Variants in DCAF16 observed in about 807,000 individuals in gnomAD.
DCAF16 encodes the protein DDB1- and CUL4-associated factor 16.
In DCAF16, 10 loss-of-function variants were observed where a neutral mutation model predicts 17.3. The ratio of observed to expected loss-of-function variants is 0.58; its 90% CI spans 0.36 to 0.98. The LOEUF (loss-of-function observed/expected upper bound fraction) is 0.98, where lower values mean the gene tolerates loss of function less well. Among genes scored for constraint, DCAF16 ranks in the 50% least tolerant of loss-of-function variants. The probability of loss-of-function intolerance (pLI) is 0.01; values close to 1 mark genes in which losing one functional copy is unlikely to be tolerated. For synonymous variants in DCAF16, 111 were observed against 92.8 expected (o/e 1.20, Z -1.12); for missense variants, 249 against 247.6 (o/e 1.01, Z -0.04).
In DCAF16 at chr4:17,803,030, C is replaced by CTT. The variant is rs35039817; in HGVS notation, c.*459_*460dup. 3,735 of 148,576 alleles carry CTT rather than the reference C, an allele frequency of 0.025. 118 individuals carry two copies. Among genetic ancestry groups the CTT allele is most frequent in the African/African-American group, 0.075 (2,994 of 39,702 alleles). 9.2% of individuals were successfully genotyped at this position (148,576 alleles called of 1,614,324 possible). A position where few individuals can be genotyped will look rare whatever the true frequency, so the allele number is the denominator to read the frequency against. On this transcript the variant is annotated 3_prime_UTR_variant, in exon 3 of 3. Coordinates refer to ENST00000382247, the MANE Select transcript of DCAF16 (RefSeq NM_017741.4). Reference sequence around the variant, plus strand: ...AATATGGTCCCCTTAACTAATTCTCCTTTTTTTTTTTTGAGACTGAGTCTC... The same window carrying CTT: ...AATATGGTCCCCTTAACTAATTCTCCTTTTTTTTTTTTTTGAGACTGAGTCTC...
At chr4:17,806,078 G>T (rs929531279) in intron 1 of DCAF16, among the ~76,000 whole-genome samples, 2 of 152,028 alleles carry the variant, frequency 1.3e-5, no homozygotes, top group Non-Finnish European at 2.9e-5. Context: ...TCTCTTTTTG[G>T]AAAAAGATAC....
chr4:17,802,367 C>T lies in DCAF16; in HGVS notation c.*1124G>A, dbSNP rs187685395. ...TGTTTGTTTAATCCCAAGGGATGAT[C>T]TTATAGGCTGATTTAGTCAGAGACA... On this transcript the variant is annotated 3_prime_UTR_variant, in exon 3 of 3. Coordinates refer to ENST00000382247, the MANE Select transcript of DCAF16 (RefSeq NM_017741.4). 1 of 152,542 alleles carries T rather than the reference C, an allele frequency of 6.6e-6. No homozygotes were observed. The highest frequency in any genetic ancestry group is 2.4e-5 in the African/African-American group (1 of 41,560). 9.4% of individuals were successfully genotyped at this position (152,542 alleles called of 1,614,324 possible). A position where few individuals can be genotyped will look rare whatever the true frequency, so the allele number is the denominator to read the frequency against.
rs907603322 is a variant in DCAF16, at chr4:17,802,693, G to C, written c.*798C>G. On this transcript the variant is annotated 3_prime_UTR_variant, in exon 3 of 3. Coordinates refer to ENST00000382247, the MANE Select transcript of DCAF16 (RefSeq NM_017741.4). ...GGAACCCTAAAGAGTGTCATATGTA[G>C]GCACATCTATATAAAAGCTGGGAAA... 2 of 150,636 alleles carry C rather than the reference G, an allele frequency of 1.3e-5. No homozygotes were observed. The highest frequency in any genetic ancestry group is 4.9e-5 in the African/African-American group (2 of 40,912). 9.3% of individuals were successfully genotyped at this position (150,636 alleles called of 1,614,324 possible).
At chr4:17,799,877 C>T (rs1024423015), downstream of DCAF16, among the ~76,000 whole-genome samples, 7 of 151,940 alleles carry the variant, frequency 4.6e-5, no homozygotes, top group Non-Finnish European at 1.0e-4. Flanking sequence ...TGGCTGGGCA[C>T]GGTGGCTCAT....
Position 17,803,465 on chromosome 4 carries a change from G to A in DCAF16, c.*26C>T, listed in dbSNP as rs753153133. The A allele has an allele frequency of 6.3e-7, 1 of 1,596,552 alleles. No homozygotes were observed. Among genetic ancestry groups the A allele is most frequent in the Non-Finnish European group, 8.6e-7 (1 of 1,167,518 alleles). On this transcript the variant is annotated 3_prime_UTR_variant, in exon 3 of 3. Transcript: ENST00000382247. ...ACCACTTTCTCAATTAGCAACATCA[G>A]AGATATCAGAGCAAATGGTAGATCT...
chr4:17,804,692 G>GA lies in DCAF16; in HGVS notation c.-552_-551insT, dbSNP rs1720145880. 1.2e-5 allele frequency: 2 copies of GA among 169,304 alleles called. No homozygotes were observed. The highest frequency in any genetic ancestry group is 3.8e-4 in the East Asian group (2 of 5,208). 10.5% of individuals were successfully genotyped at this position (169,304 alleles called of 1,614,324 possible). A position where few individuals can be genotyped will look rare whatever the true frequency, so the allele number is the denominator to read the frequency against. The stretch of plus-strand genomic sequence containing the variant: ...TATAAGGATCCGATGCTTTCCATAG[G>GA]TGATGCAAATGCCCTTGGAAACTGG... On this transcript the variant is annotated 5_prime_UTR_variant, in exon 3 of 3. Transcript: ENST00000382247.
At chr4:17,810,339 C>T (rs888840582) in intron 1 of DCAF16, 108 bp downstream of exon 1, 1 of 152,586 alleles carries the variant, frequency 6.6e-6, no homozygotes. Flanking sequence ...GCCCGCACCC[C>T]CCTTCGCAAC....
intron 1 of DCAF16, chr4:17,809,373 A>G (rs1390002943): frequency 6.6e-6 from 1 of 152,230 alleles, no homozygotes; most frequent in Non-Finnish European, 1.5e-5. Context: ...TGATTGAAAA[A>G]AGCCAGATGC....
intron 1 of DCAF16, among the ~76,000 whole-genome samples, chr4:17,809,150 G>C (rs1406135561): frequency 6.6e-6 from 1 of 152,204 alleles, no homozygotes; most frequent in Non-Finnish European, 1.5e-5. Context: ...TTAAGCAGGA[G>C]AATGGATAAG....
the DCAF16 span, among the ~76,000 whole-genome samples, chr4:17,793,528 T>C: frequency 6.6e-6 from 1 of 152,140 alleles, no homozygotes; most frequent in Non-Finnish European, 1.5e-5. Flanking sequence ...AATTATGATA[T>C]ATTCATATAA....
At chr4:17,796,703 C>G (rs554776047), downstream of DCAF16, among the ~76,000 whole-genome samples, 25 of 152,274 alleles carry the variant, frequency 1.6e-4, no homozygotes, top group African/African-American at 6.0e-4. Context: ...GAGTCTCCAT[C>G]TCACAACGAC....
downstream of DCAF16, among the ~76,000 whole-genome samples, chr4:17,796,339 T>A (rs979240153): frequency 2.0e-5 from 3 of 149,924 alleles, no homozygotes; most frequent in Non-Finnish European, 4.4e-5. Context: ...CTGTGCTACC[T>A]ATCGAGTATT....
At chr4:17,807,506 A>T (rs1317508121) in intron 1 of DCAF16, among the ~76,000 whole-genome samples, 1 of 152,210 alleles carries the variant, frequency 6.6e-6, no homozygotes, top group African/African-American at 2.4e-5. Flanking sequence ...GTTCGGAAGA[A>T]CAGTCCGGCA....
chr4:17,807,449 C>T (rs1720426708), intron 1 of DCAF16, among the ~76,000 whole-genome samples: 1 of 152,176 alleles, frequency 6.6e-6, no homozygotes, highest in Admixed American at 6.5e-5. Context: ...TCAGTGAGTT[C>T]TTTTTTGGAA....
At position 17,805,115 on chromosome 4, in the gene DCAF16, G is replaced by A. The variant is rs1280097271; in HGVS notation, c.-639C>T. ...TTTTTTTTTTTTTTTACCTTCAGAG[G>A]TGCTTGTTGGAATTAGTTTTAGGGG... On this transcript the variant is annotated 5_prime_UTR_variant, in exon 2 of 3. Transcript: ENST00000382247. 2 of 148,034 alleles carry A rather than the reference G, an allele frequency of 1.4e-5. No individual in the cohort carries two copies. The highest frequency in any genetic ancestry group is 2.5e-5 in the African/African-American group (1 of 39,978). 9.2% of individuals were successfully genotyped at this position (148,034 alleles called of 1,614,324 possible).
chr4:17,805,377 C>A (rs189350225), intron 1 of DCAF16, among the ~76,000 whole-genome samples, 152 bp from the exon 2 acceptor site: 1 of 151,958 alleles, frequency 6.6e-6, no homozygotes, highest in African/African-American at 2.4e-5. Flanking sequence ...CAGAATCCAA[C>A]AGTACATTAA....
Position 17,801,136 on chromosome 4 carries a change from C to CA in DCAF16, c.*2354_*2355insT, listed in dbSNP as rs111790722. 6.9e-6 allele frequency: 1 copy of CA among 145,918 alleles called. No individual in the cohort carries two copies. Among genetic ancestry groups the CA allele is most frequent in the African/African-American group, 2.5e-5 (1 of 40,032 alleles). 9.0% of individuals were successfully genotyped at this position (145,918 alleles called of 1,614,324 possible). ...ATTTACACAATTTGTGATTCCTAAC[C>CA]TTTTTTTTTTTTGAGACGGTGTCTC... On this transcript the variant is annotated 3_prime_UTR_variant, in exon 3 of 3. Coordinates refer to ENST00000382247, the MANE Select transcript of DCAF16 (RefSeq NM_017741.4).
chr4:17,801,390 A>G lies in DCAF16; in HGVS notation c.*2101T>C, dbSNP rs1429204080. The stretch of plus-strand genomic sequence containing the variant: ...GTGATCCACCTGCCCTCAGCCTCCC[A>G]AACTGTTGGGATTACAGGCATGAGC... On this transcript the variant is annotated 3_prime_UTR_variant, in exon 3 of 3. Transcript: ENST00000382247. 6.6e-6 allele frequency: 1 copy of G among 152,274 alleles called. No homozygotes were observed. Among genetic ancestry groups the G allele is most frequent in the Non-Finnish European group, 1.5e-5 (1 of 68,034 alleles). The allele number at this position is 152,274 out of a possible 1,614,324, so 9.4% of individuals were successfully genotyped here. A position where few individuals can be genotyped will look rare whatever the true frequency, so the allele number is the denominator to read the frequency against.
intron 1 of DCAF16, among the ~76,000 whole-genome samples, chr4:17,809,988 T>C (rs948700889): frequency 6.6e-6 from 1 of 152,142 alleles, no homozygotes; most frequent in Non-Finnish European, 1.5e-5. Flanking sequence ...TCTGTAGATG[T>C]CAATTTCTTT....
Sources: allele counts gnomAD v4.1 joint callset (sites outside exome capture counted in the v4.1 genomes callset), GRCh38; gene constraint gnomAD v4.1.1; transcripts MANE v1.5; gene names NCBI Gene and HGNC (gene_info 2026-07-23, HGNC 2026-07-21).